TTC29: variants seen among roughly 807,000 people sequenced by gnomAD.
TTC29 encodes the protein tetratricopeptide repeat domain 29.
In TTC29, 49 loss-of-function variants were observed where a neutral mutation model predicts 58.1. The observed-to-expected ratio is 0.84, with a 90% CI of 0.67 to 1.07. The LOEUF (loss-of-function observed/expected upper bound fraction) is 1.07. Among genes scored for constraint, TTC29 ranks in the 50% least tolerant of loss-of-function variants. The pLI is 0.00. For synonymous variants in TTC29, 209 were observed against 196.8 expected (o/e 1.06, Z -0.52); for missense variants, 582 against 555.6 (o/e 1.05, Z -0.48).
intron 3 of TTC29, among the ~76,000 whole-genome samples, chr4:146,938,876 T>C (rs1402425765): frequency 1.3e-5 from 2 of 152,210 alleles, no homozygotes; most frequent in Non-Finnish European, 2.9e-5. Flanking sequence ...AATATGTATG[T>C]TACTAAAAGT....
intron 4 of TTC29, among the ~76,000 whole-genome samples, chr4:146,912,482 G>A (rs185239152): frequency 1.1e-4 from 16 of 152,188 alleles, no homozygotes; most frequent in African/African-American, 2.9e-4. Context: ...CGAGTAGTGC[G>A]CTGCTGTTTC....
At chr4:146,726,443 T>A (rs962065590) in intron 11 of TTC29, among the ~76,000 whole-genome samples, 1 of 152,130 alleles carries the variant, frequency 6.6e-6, no homozygotes, top group Non-Finnish European at 1.5e-5. Context: ...AGTGAGACTC[T>A]GTCTCAAAAA....
At chr4:146,787,591 C>G (rs1749118037) in intron 11 of TTC29, among the ~76,000 whole-genome samples, 1 of 152,196 alleles carries the variant, frequency 6.6e-6, no homozygotes, top group African/African-American at 2.4e-5. Flanking sequence ...ATCACTTTAT[C>G]TAAGCATCGC....
chr4:146,928,499 A>G (rs916342906), intron 4 of TTC29, among the ~76,000 whole-genome samples: 3 of 152,216 alleles, frequency 2.0e-5, no homozygotes, highest in Non-Finnish European at 4.4e-5. Flanking sequence ...ACCTGGAAAC[A>G]GTATGCACAG....
intron 11 of TTC29, among the ~76,000 whole-genome samples, chr4:146,718,241 A>T (rs1184230074): frequency 6.6e-6 from 1 of 152,200 alleles, no homozygotes; most frequent in African/African-American, 2.4e-5. Flanking sequence ...ACCCAGAAGT[A>T]GGATTGCTGT....
chr4:146,874,264 C>A (rs1416597803), intron 7 of TTC29, among the ~76,000 whole-genome samples: 2 of 152,036 alleles, frequency 1.3e-5, no homozygotes, highest in African/African-American at 2.4e-5. Flanking sequence ...GCAAAAAGGT[C>A]TCAAATATGT....
chr4:146,835,936 G>A (rs569948697), intron 8 of TTC29, among the ~76,000 whole-genome samples: 1 of 152,138 alleles, frequency 6.6e-6, no homozygotes, highest in Non-Finnish European at 1.5e-5. Flanking sequence ...GCAAAAGACA[G>A]CTTTGGCCTT....
intron 5 of TTC29, among the ~76,000 whole-genome samples, chr4:146,905,675 G>A (rs1733476306): frequency 6.6e-6 from 1 of 152,082 alleles, no homozygotes; most frequent in African/African-American, 2.4e-5. Context: ...ATATTCAGAA[G>A]ATGAAAATCA....
intron 2 of TTC29, chr4:146,944,264 G>A (rs552088874): frequency 1.3e-5 from 2 of 152,336 alleles, no homozygotes; most frequent in African/African-American, 4.8e-5. Flanking sequence ...CCATTCCACT[G>A]TTGGTATTCA....
chr4:146,733,939 A>G (rs1175994635), intron 11 of TTC29, among the ~76,000 whole-genome samples: 1 of 152,130 alleles, frequency 6.6e-6, no homozygotes, highest in African/African-American at 2.4e-5. Flanking sequence ...AATAGCATCA[A>G]TGATTTGAAA....
At chr4:146,802,125 T>TA (rs1288921397) in intron 11 of TTC29, among the ~76,000 whole-genome samples, 1 of 151,996 alleles carries the variant, frequency 6.6e-6, no homozygotes, top group Admixed American at 6.6e-5. Flanking sequence ...GATTGGAGTT[T>TA]ATCCAAAATA....
rs1187897316 is a variant in TTC29 at position 146,847,376 on chromosome 4, G to A, written c.886-13479C>T. ...TACTTTATCTAATCCCAGCCAGGAG[G>A]TGAGTTCAACAGCAAGCTTTTGCAG... On this transcript the variant is annotated intron_variant, in intron 8 of 12. Coordinates refer to ENST00000325106, the MANE Select transcript of TTC29 (RefSeq NM_031956.4). Among the ~76,000 whole-genome samples, 6 of 152,156 alleles carry A rather than the reference G, an allele frequency of 3.9e-5. 1 individual carries two copies. The highest frequency in any genetic ancestry group is 1.4e-4 in the African/African-American group (6 of 41,438).
chr4:146,726,682 C>G (rs1049643208), intron 11 of TTC29, among the ~76,000 whole-genome samples: 9 of 152,144 alleles, frequency 5.9e-5, no homozygotes, highest in African/African-American at 2.2e-4. Flanking sequence ...TTACTGATGA[C>G]TTTATGAAGC....
At chr4:146,752,752 T>C (rs993296731) in intron 11 of TTC29, among the ~76,000 whole-genome samples, 51 of 152,004 alleles carry the variant, frequency 3.4e-4, no homozygotes, top group Non-Finnish European at 1.2e-4. Context: ...ATGCCACATA[T>C]CTACAACTAT....
intron 11 of TTC29, among the ~76,000 whole-genome samples, chr4:146,783,783 A>G (rs769204266): frequency 3.3e-5 from 5 of 152,064 alleles, no homozygotes; most frequent in Non-Finnish European, 5.9e-5. Flanking sequence ...TTTGTCTTCT[A>G]TATTTATGTT....
chr4:146,739,818 G>A (rs548803003), intron 11 of TTC29, among the ~76,000 whole-genome samples: 1 of 152,216 alleles, frequency 6.6e-6, no homozygotes, highest in South Asian at 2.1e-4. Flanking sequence ...AGTTGTGGTG[G>A]GGACTGCTAG....
chr4:146,707,050 GT>G lies in TTC29; in HGVS notation c.*107del. The G allele has an allele frequency of 1.3e-6, 1 of 779,350 alleles. No individual in the cohort carries two copies. The highest frequency in any genetic ancestry group is 1.9e-6 in the Non-Finnish European group (1 of 536,968). The allele number at this position is 779,350 out of a possible 1,614,324, so 48.3% of individuals were successfully genotyped here. ...AATCCAATGAAAAGAGTCATAGTCC[GT>G]TTTATTATAACTCTATATTATCTGT... On this transcript the variant is annotated 3_prime_UTR_variant, in exon 13 of 13. Coordinates refer to ENST00000325106, the MANE Select transcript of TTC29 (RefSeq NM_031956.4).
At chr4:146,790,648 A>G (rs1749380708) in intron 11 of TTC29, among the ~76,000 whole-genome samples, 1 of 152,088 alleles carries the variant, frequency 6.6e-6, no homozygotes, top group Non-Finnish European at 1.5e-5. Context: ...ACTTGCTCTC[A>G]CTGTAGGTGT....
chr4:146,907,646 C>T (rs1241745774), intron 5 of TTC29, among the ~76,000 whole-genome samples: 2 of 152,060 alleles, frequency 1.3e-5, no homozygotes, highest in African/African-American at 2.4e-5. Flanking sequence ...TACAGGCGTC[C>T]GCCATCATGC....
Sources: allele counts gnomAD v4.1 joint callset (sites outside exome capture counted in the v4.1 genomes callset), GRCh38; gene constraint gnomAD v4.1.1; transcripts MANE v1.5; gene names NCBI Gene and HGNC (gene_info 2026-07-23, HGNC 2026-07-21).